The following DYNLT3 variants were observed in gnomAD, a reference collection of about 807,000 sequenced individuals.
DYNLT3 encodes protein 91/23.
DYNLT3 carries 4 observed loss-of-function variants against 11.0 expected under a neutral mutation model. The ratio of observed to expected loss-of-function variants is 0.36; its 90% confidence interval spans 0.18 to 0.83. The LOEUF is 0.83. Ranked by LOEUF, DYNLT3 falls within the 40% of genes least tolerant of loss-of-function variation. DYNLT3 has a pLI of 0.47. For synonymous variants in DYNLT3, 37 were observed against 31.2 expected (o/e 1.18, Z -0.61); for missense variants, 91 against 91.1 (o/e 1.00, Z 0.01).
chrX:37,845,231 G>C (rs1930244953), intron 2 of DYNLT3, among the ~76,000 whole-genome samples: 1 of 112,051 alleles, frequency 8.9e-6, no homozygotes, highest in Admixed American at 9.4e-5. Context: ...AGGCTACATA[G>C]ATAGAATGCA....
chrX:37,841,035 T>A lies in DYNLT3; in HGVS notation c.267A>T (p.Thr89=), dbSNP rs1178577636. The change falls in exon 4 of 5, where the codon ACA becomes ACT. Residue 89 remains threonine (T), a synonymous_variant. Coordinates refer to ENST00000378578, the MANE Select transcript of DYNLT3 (RefSeq NM_006520.3). ...HTASSCFWDT[T]SDGTCTVRWE... ...CAGCTTAAGATCTCTTACCATCAGATGTGGTATCCCAAAAACAGGAGCTGG... is the reference window on the plus strand; with the variant it reads ...CAGCTTAAGATCTCTTACCATCAGAAGTGGTATCCCAAAAACAGGAGCTGG... 1.2e-5 allele frequency: 14 copies of A among 1,210,517 alleles called. No individual in the cohort carries two copies. The highest frequency in any genetic ancestry group is 1.6e-5 in the Non-Finnish European group (14 of 894,825).
At position 37,839,830 on chromosome X, in the gene DYNLT3, G is replaced by A. The variant is rs1321586601; in HGVS notation, c.*745C>T. ...TTAGCAGAGACATATGCCCATAATA[G>A]GCATCTGATAAATGTTTGTTCCACA... On this transcript the variant is annotated 3_prime_UTR_variant, in exon 5 of 5. Transcript: ENST00000378578. 1 of 112,210 alleles carries A rather than the reference G, an allele frequency of 8.9e-6. No individual in the cohort carries two copies. The highest frequency in any genetic ancestry group is 3.2e-5 in the African/African-American group (1 of 30,847). 9.2% of individuals were successfully genotyped at this position (112,210 alleles called of 1,213,427 possible). A position where few individuals can be genotyped will look rare whatever the true frequency, so the allele number is the denominator to read the frequency against.
rs181108240 is a variant in DYNLT3 at position 37,840,378 on chromosome X, C to T, written c.*197G>A. ...TAGCATTAAATTTTTCCTATTTAAA[C>T]GATGCTGTATAGAATATGAGCTAAT... is the stretch of plus-strand genomic sequence containing the variant. On this transcript the variant is annotated 3_prime_UTR_variant, in exon 5 of 5. Coordinates refer to ENST00000378578, the MANE Select transcript of DYNLT3 (RefSeq NM_006520.3). 5.9e-4 allele frequency: 161 copies of T among 273,332 alleles called. No homozygotes were observed. The highest frequency in any genetic ancestry group is 3.6e-3 in the African/African-American group (127 of 35,536). The allele number at this position is 273,332 out of a possible 1,213,427, so 22.5% of individuals were successfully genotyped here. A position where few individuals can be genotyped will look rare whatever the true frequency, so the allele number is the denominator to read the frequency against.
At chrX:37,846,836 T>C (rs1443257563) in intron 1 of DYNLT3, among the ~76,000 whole-genome samples, 5 of 112,081 alleles carry the variant, frequency 4.5e-5, no homozygotes, top group Non-Finnish European at 9.4e-5. Context: ...TTAAAGATTA[T>C]GAAAATACTT....
At chrX:37,841,417 C>A (rs1278531200) in intron 3 of DYNLT3, among the ~76,000 whole-genome samples, 2 of 111,090 alleles carry the variant, frequency 1.8e-5, no homozygotes, top group Non-Finnish European at 3.8e-5. Context: ...AGAATTCAGA[C>A]ACAGAAATGC....
chrX:37,845,327 C>A (rs1434362594), intron 2 of DYNLT3, among the ~76,000 whole-genome samples: 3 of 112,222 alleles, frequency 2.7e-5, no homozygotes, highest in Admixed American at 9.4e-5. Flanking sequence ...CTGTGTAAGG[C>A]CAGACCTGGG....
At chrX:37,840,781 CACACACACATATAT>C (rs1402589500) in intron 4 of DYNLT3, 130 bp from the exon 5 acceptor site, 1 of 396,412 alleles carries the variant, frequency 2.5e-6, no homozygotes, top group African/African-American at 4.6e-5. Context: ...CACACACACA[CACACACACATATAT>C]ATATATATAT....
chrX:37,847,106 C>A (rs1260874100), intron 1 of DYNLT3: 3 of 1,161,341 alleles, frequency 2.6e-6, no homozygotes, highest in Non-Finnish European at 3.4e-6. Context: ...CTGCAGCACC[C>A]GCGCTGAGGA....
Position 37,842,007 on chromosome X carries a change from A to G in DYNLT3, c.73-102T>C, listed in dbSNP as rs887706336. On this transcript the variant is annotated intron_variant, in intron 2 of 4. Transcript: ENST00000378578. ...AAAATTTATTCAAAACATAAAATAT[A>G]CTTATAGCTCAATAAGGCATCTTAG... The G allele has an allele frequency of 5.1e-6, 4 of 785,583 alleles. No individual in the cohort carries two copies. In the African/African-American group the frequency reaches 6.3e-5, roughly 12 times the overall value. 64.7% of individuals were successfully genotyped at this position (785,583 alleles called of 1,213,427 possible).
chrX:37,842,166 G>C (rs181407416), intron 2 of DYNLT3, among the ~76,000 whole-genome samples: 6 of 111,336 alleles, frequency 5.4e-5, no homozygotes, highest in African/African-American at 2.0e-4. Context: ...CATGGCTTCT[G>C]TGTAAATAAC....
chrX:37,841,147 GAA>G, intron 3 of DYNLT3, 42 bp from the exon 4 acceptor site: 1 of 1,131,180 alleles, frequency 8.8e-7, no homozygotes, highest in Non-Finnish European at 1.2e-6. Context: ...ACAGACAAAG[GAA>G]AAGAGAACCA....
chrX:37,840,719 TATATACACAC>T, intron 4 of DYNLT3, 68 bp from the exon 5 acceptor site: 2 of 635,740 alleles, frequency 3.1e-6, no homozygotes, highest in East Asian at 3.7e-5. Flanking sequence ...TATATATATA[TATATACACAC>T]ACACACACAC....
chrX:37,847,223 C>G (rs1002294228), intron 1 of DYNLT3: 1 of 1,016,499 alleles, frequency 9.8e-7, no homozygotes, highest in African/African-American at 1.9e-5. Flanking sequence ...AGTCAGGCCT[C>G]GTCCTCCCAA....
At chrX:37,841,176 G>T in intron 3 of DYNLT3, 71 bp from the exon 4 acceptor site, 2 of 905,825 alleles carry the variant, frequency 2.2e-6, no homozygotes, top group Non-Finnish European at 3.1e-6. Context: ...AAGTGTGTGA[G>T]TTCAGAGCTC....
At chrX:37,845,531 A>G (rs1930251790) in intron 2 of DYNLT3, among the ~76,000 whole-genome samples, 1 of 112,467 alleles carries the variant, frequency 8.9e-6, no homozygotes, top group Admixed American at 9.4e-5. Context: ...ATTTTTTCCA[A>G]TTATATTGGG....
rs1312337952 is a variant in DYNLT3 at position 37,840,395 on chromosome X, T to G, written c.*180A>C. On this transcript the variant is annotated 3_prime_UTR_variant, in exon 5 of 5. Coordinates refer to ENST00000378578, the MANE Select transcript of DYNLT3 (RefSeq NM_006520.3). ...TATTTAAACGATGCTGTATAGAATATGAGCTAATCTGCCAATTACTATGAT... is the reference window on the plus strand; with the variant it reads ...TATTTAAACGATGCTGTATAGAATAGGAGCTAATCTGCCAATTACTATGAT... The G allele has an allele frequency of 1.2e-5, 4 of 336,464 alleles. No individual in the cohort carries two copies. Among genetic ancestry groups the G allele is most frequent in the Non-Finnish European group, 2.1e-5 (4 of 192,342 alleles). 27.7% of individuals were successfully genotyped at this position (336,464 alleles called of 1,213,427 possible). A position where few individuals can be genotyped will look rare whatever the true frequency, so the allele number is the denominator to read the frequency against.
chrX:37,840,785 CACACATATATAT>C lies in DYNLT3; in HGVS notation c.275-146_275-135del, dbSNP rs376090769. ...ACACACACACACACACACACACACA[CACACATATATAT>C]ATATATATATACACATACATTTTTC... is the stretch of plus-strand genomic sequence containing the variant. On this transcript the variant is annotated intron_variant, in intron 4 of 4. Coordinates refer to ENST00000378578, the MANE Select transcript of DYNLT3 (RefSeq NM_006520.3). The C allele has an allele frequency of 4.1e-5, 15 of 367,761 alleles. No homozygotes were observed. In the South Asian group the frequency reaches 8.8e-4, roughly 22 times the overall value. The allele number at this position is 367,761 out of a possible 1,213,427, so 30.3% of individuals were successfully genotyped here. A position where few individuals can be genotyped will look rare whatever the true frequency, so the allele number is the denominator to read the frequency against.
intron 1 of DYNLT3, chrX:37,846,911 G>A: frequency 1.1e-6 from 1 of 895,688 alleles, no homozygotes; most frequent in Non-Finnish European, 1.6e-6. Flanking sequence ...CTTTTCTTTG[G>A]AGTCCCCATC....
In DYNLT3 at chrX:37,846,376, G is replaced by C; in HGVS notation, c.31-18C>G. Reference sequence around the variant, plus strand: ...AAGCCAACCTAAAGGGAAAACAAAAGGTAAAGCTGCTTTCAACACAGGCTT... The same window carrying C: ...AAGCCAACCTAAAGGGAAAACAAAACGTAAAGCTGCTTTCAACACAGGCTT... On this transcript the variant is annotated intron_variant, in intron 1 of 4. Transcript: ENST00000378578. The C allele has an allele frequency of 8.3e-7, 1 of 1,201,771 alleles. No homozygotes were observed. The highest frequency in any genetic ancestry group is 1.1e-6 in the Non-Finnish European group (1 of 889,369).
Sources: allele counts gnomAD v4.1 joint callset (sites outside exome capture counted in the v4.1 genomes callset), GRCh38; gene constraint gnomAD v4.1.1; transcripts MANE v1.5; gene names NCBI Gene and HGNC (gene_info 2026-07-23, HGNC 2026-07-21).